The following EPB41L4B variants were observed in gnomAD, a reference collection of about 807,000 sequenced individuals.
EPB41L4B encodes the protein band 4.1-like protein 4B.
A neutral mutation model predicts 112.5 loss-of-function variants in EPB41L4B; 30 were observed. The observed-to-expected ratio is 0.27, with a 90% confidence interval of 0.20 to 0.36. The LOEUF (loss-of-function observed/expected upper bound fraction) is 0.36, where lower values mean the gene tolerates loss of function less well. Ranked by LOEUF, EPB41L4B falls within the 10% of genes least tolerant of loss-of-function variation. The pLI is 1.00. For synonymous variants in EPB41L4B, 408 were observed against 439.7 expected (o/e 0.93, Z 0.90); for missense variants, 1,024 against 1,133.3 (o/e 0.90, Z 1.38).
rs149549743 is a variant in EPB41L4B at position 109,263,901 on chromosome 9, A to G, written c.579-799T>C. Among the ~76,000 whole-genome samples, 447 of 152,330 alleles carry G rather than the reference A, an allele frequency of 2.9e-3. 1 individual carries two copies. The highest frequency in any genetic ancestry group is 0.01 in the African/African-American group (428 of 41,564). ...TGAACACCATTCTGCTTTTAAATAC[A>G]AAGCAGGCTAAACTGCATGTAAACT... On this transcript the variant is annotated intron_variant, in intron 5 of 25. Coordinates refer to ENST00000374566, the MANE Select transcript of EPB41L4B (RefSeq NM_019114.5).
intron 17 of EPB41L4B, among the ~76,000 whole-genome samples, chr9:109,211,893 T>C (rs1240642538): frequency 9.4e-6 from 1 of 106,502 alleles, no homozygotes; most frequent in Non-Finnish European, 1.9e-5. Context: ...TTTTTGTACT[T>C]ATAGTAGAGA....
chr9:109,286,520 G>A (rs12337243), intron 1 of EPB41L4B, among the ~76,000 whole-genome samples: 1,691 of 152,258 alleles, frequency 0.011, 36 homozygotes, highest in African/African-American at 0.038. Flanking sequence ...AACAGAAGAC[G>A]AGTTACTGTG....
intron 1 of EPB41L4B, among the ~76,000 whole-genome samples, chr9:109,281,651 C>T (rs961838574): frequency 2.6e-5 from 4 of 152,020 alleles, no homozygotes; most frequent in Admixed American, 6.6e-5. Flanking sequence ...TGCCACTGCA[C>T]TCAGCCTCGG....
Position 109,207,951 on chromosome 9 carries a change from C to T in EPB41L4B, c.1851G>A (p.Leu617=). ...HVKCNILKAQ[L]ENASRVNIQG... Reference sequence around the variant, plus strand: ...GGATGTTCACTCGGGAAGCATTTTCCAACTGGGCTTTCAGAATGTTACACT... The same window carrying T: ...GGATGTTCACTCGGGAAGCATTTTCTAACTGGGCTTTCAGAATGTTACACT... Residue 617 remains leucine (L), a synonymous_variant, in exon 18 of 26, where the codon TTG becomes TTA. Transcript: ENST00000374566. 6.2e-7 allele frequency: 1 copy of T among 1,614,070 alleles called. No individual in the cohort carries two copies. Among genetic ancestry groups the T allele is most frequent in the East Asian group, 2.2e-5 (1 of 44,882 alleles).
chr9:109,203,696 T>C lies in EPB41L4B; in HGVS notation c.1913A>G (p.Asn638Ser). The C allele has an allele frequency of 8.1e-6, 13 of 1,614,106 alleles. No homozygotes were observed. The highest frequency in any genetic ancestry group is 1.3e-5 in the African/African-American group (1 of 75,052). The change falls in exon 19 of 26, where the codon AAT becomes AGT. Residue 638 changes from asparagine (N) to serine (S), a missense_variant. Physicochemically the swap from Asn to Ser is conservative, Grantham distance 46. Transcript: ENST00000374566. ...GKEESPFVNI[N>S]KKSSLQDASV... ...AGCGTCCTGAAGACTGGATTTCTTA[T>C]TGATATTTACAAACGGTGATTCCTC...
intron 1 of EPB41L4B, among the ~76,000 whole-genome samples, chr9:109,288,272 G>A (rs1200183623): frequency 1.3e-5 from 2 of 152,170 alleles, no homozygotes; most frequent in Non-Finnish European, 2.9e-5. Context: ...TGGATATCCA[G>A]GCCCCAGAAC....
intron 1 of EPB41L4B, chr9:109,307,155 A>G (rs1205127556): frequency 2.4e-6 from 1 of 415,686 alleles, no homozygotes; most frequent in Non-Finnish European, 4.7e-6. Context: ...GAGTTAATAA[A>G]CGACATGTTA....
chr9:109,174,290 G>T lies in EPB41L4B; in HGVS notation c.*264C>A. The T allele has an allele frequency of 2.6e-6, 1 of 383,220 alleles. No homozygotes were observed. The highest frequency in any genetic ancestry group is 4.8e-6 in the Non-Finnish European group (1 of 207,212). 23.7% of individuals were successfully genotyped at this position (383,220 alleles called of 1,614,324 possible). On this transcript the variant is annotated 3_prime_UTR_variant, in exon 26 of 26. Coordinates refer to ENST00000374566, the MANE Select transcript of EPB41L4B (RefSeq NM_019114.5). ...GATACACACAGGTACTTCTGAAAAG[G>T]AATCCCGTTTTCCCATCTTTCTTTT...
At chr9:109,245,965 A>T (rs1834540119) in intron 14 of EPB41L4B, among the ~76,000 whole-genome samples, 2 of 152,262 alleles carry the variant, frequency 1.3e-5, no homozygotes, top group Non-Finnish European at 2.9e-5. Flanking sequence ...CGGAGAGGGC[A>T]CAGGCAGTGC....
chr9:109,197,831 A>AAC (rs1832697835), intron 20 of EPB41L4B, among the ~76,000 whole-genome samples: 1 of 151,618 alleles, frequency 6.6e-6, no homozygotes, highest in Admixed American at 6.6e-5. Flanking sequence ...AAAAAAAAAA[A>AAC]AAACAAAAAA....
At chr9:109,207,884 C>A in intron 18 of EPB41L4B, 40 bp downstream of exon 18, 1 of 1,612,292 alleles carries the variant, frequency 6.2e-7, no homozygotes, top group Non-Finnish European at 8.5e-7. Context: ...CGAGGAAATC[C>A]TATAACATGA....
intron 1 of EPB41L4B, among the ~76,000 whole-genome samples, chr9:109,303,459 C>T (rs1329456198): frequency 2.6e-5 from 4 of 152,166 alleles, no homozygotes; most frequent in Non-Finnish European, 5.9e-5. Context: ...AATCCTCCCA[C>T]CTCAGCCTCC....
At chr9:109,219,267 A>T (rs1478015511) in intron 15 of EPB41L4B, among the ~76,000 whole-genome samples, 2 of 152,242 alleles carry the variant, frequency 1.3e-5, no homozygotes, top group Admixed American at 6.5e-5. Flanking sequence ...GATTTAACAC[A>T]TGAAAACTGA....
chr9:109,297,052 G>C (rs1252025219), intron 1 of EPB41L4B, among the ~76,000 whole-genome samples: 2 of 152,052 alleles, frequency 1.3e-5, no homozygotes, highest in African/African-American at 2.4e-5. Flanking sequence ...CTAAGCTGAA[G>C]TGAAGTTGTT....
chr9:109,214,879 C>T (rs1033806342), intron 16 of EPB41L4B, among the ~76,000 whole-genome samples: 2 of 152,166 alleles, frequency 1.3e-5, no homozygotes, highest in Non-Finnish European at 2.9e-5. Context: ...AGAACTATGA[C>T]TTTGGCAGCT....
chr9:109,271,903 T>C (rs1414204936), intron 2 of EPB41L4B, among the ~76,000 whole-genome samples: 2 of 152,208 alleles, frequency 1.3e-5, no homozygotes, highest in African/African-American at 2.4e-5. Flanking sequence ...TAAATCAAGA[T>C]GTGTGAGATG....
At chr9:109,234,337 T>C (rs1369615627) in intron 15 of EPB41L4B, among the ~76,000 whole-genome samples, 1 of 152,164 alleles carries the variant, frequency 6.6e-6, no homozygotes, top group Admixed American at 6.5e-5. Flanking sequence ...AAACACAAGG[T>C]ACAAGAATGG....
At chr9:109,284,309 T>G (rs890790875) in intron 1 of EPB41L4B, among the ~76,000 whole-genome samples, 6 of 152,346 alleles carry the variant, frequency 3.9e-5, no homozygotes, top group African/African-American at 1.4e-4. Flanking sequence ...GCATTATTAC[T>G]TTCACACCAT....
chr9:109,262,424 G>A (rs1835238014), intron 6 of EPB41L4B, among the ~76,000 whole-genome samples: 1 of 149,464 alleles, frequency 6.7e-6, no homozygotes. Context: ...TCCTTGTACT[G>A]CCAATGCTAT....
Sources: gnomAD v4.1 joint callset for allele counts (sites outside exome capture counted in the v4.1 genomes callset) on GRCh38, gnomAD v4.1.1 for gene constraint, MANE v1.5 for transcripts, NCBI Gene and HGNC (gene_info 2026-07-23, HGNC 2026-07-21) for gene names.